The following CTNNA3 variants were observed in gnomAD, a reference collection of about 807,000 sequenced individuals.
CTNNA3 encodes the protein catenin alpha 3.
A neutral mutation model predicts 95.7 loss-of-function variants in CTNNA3; 76 were observed. The ratio of observed to expected loss-of-function variants is 0.79; its 90% confidence interval spans 0.66 to 0.96. The LOEUF (loss-of-function observed/expected upper bound fraction) is 0.96, where lower values mean the gene tolerates loss of function less well. CTNNA3 is among the 40% of genes least tolerant of loss of function. CTNNA3 has a pLI of 0.00. For synonymous variants in CTNNA3, 431 were observed against 374.4 expected (o/e 1.15, Z -1.74); for missense variants, 1,191 against 1,089.8 (o/e 1.09, Z -1.31).
At chr10:67,105,253 A>ATAGATAGATAGATAGT (rs1858569731) in intron 7 of CTNNA3, among the ~76,000 whole-genome samples, 2 of 152,056 alleles carry the variant, frequency 1.3e-5, no homozygotes, top group Non-Finnish European at 2.9e-5. Flanking sequence ...AGATAGATAG[A>ATAGATAGATAGATAGT]TAGATAGAAT....
chr10:67,230,375 G>A (rs1865130884), intron 5 of CTNNA3, among the ~76,000 whole-genome samples: 2 of 151,944 alleles, frequency 1.3e-5, no homozygotes, highest in South Asian at 2.1e-4. Context: ...AACTCTATAC[G>A]ATAACATTGG....
chr10:66,100,224 T>C (rs546571405), intron 14 of CTNNA3, among the ~76,000 whole-genome samples: 2 of 152,212 alleles, frequency 1.3e-5, no homozygotes, highest in Admixed American at 1.3e-4. Context: ...TCAGGTTCTG[T>C]GGAAAATGCA....
chr10:67,485,049 A>T (rs1848390443), intron 5 of CTNNA3, among the ~76,000 whole-genome samples: 1 of 152,230 alleles, frequency 6.6e-6, no homozygotes, highest in African/African-American at 2.4e-5. Flanking sequence ...TCACAATAGC[A>T]AAGACATGGA....
intron 7 of CTNNA3, among the ~76,000 whole-genome samples, chr10:67,012,135 C>G (rs1464797719): frequency 1.3e-5 from 2 of 152,214 alleles, no homozygotes; most frequent in African/African-American, 2.4e-5. Context: ...TTCTTATCCA[C>G]TGTGCAGTGC....
chr10:65,994,852 T>A (rs1286796356), intron 15 of CTNNA3, among the ~76,000 whole-genome samples: 1 of 152,134 alleles, frequency 6.6e-6, no homozygotes. Flanking sequence ...CTTTTTTTAT[T>A]ATTTATTCTA....
chr10:66,778,921 A>G (rs1286081201), intron 7 of CTNNA3, among the ~76,000 whole-genome samples: 1 of 152,166 alleles, frequency 6.6e-6, no homozygotes, highest in Non-Finnish European at 1.5e-5. Flanking sequence ...AGTTGCAGTG[A>G]GCCGAGATCG....
At chr10:66,045,527 GT>G (rs2079811481) in intron 15 of CTNNA3, among the ~76,000 whole-genome samples, 1 of 152,040 alleles carries the variant, frequency 6.6e-6, no homozygotes, top group South Asian at 2.1e-4. Flanking sequence ...TTTGATTTTG[GT>G]ATCTCTAGTG....
chr10:67,544,509 T>G (rs1840781051), intron 3 of CTNNA3, among the ~76,000 whole-genome samples: 1 of 152,060 alleles, frequency 6.6e-6, no homozygotes, highest in Non-Finnish European at 1.5e-5. Flanking sequence ...GCAGTAAATG[T>G]ATAAAACAGA....
At chr10:66,089,935 CT>C (rs1044753222) in intron 14 of CTNNA3, among the ~76,000 whole-genome samples, 2 of 151,860 alleles carry the variant, frequency 1.3e-5, no homozygotes, top group Admixed American at 6.6e-5. Context: ...AAATGAAATC[CT>C]TTTTCCTTAT....
At chr10:67,530,262 C>A (rs570258889) in intron 4 of CTNNA3, among the ~76,000 whole-genome samples, 1 of 152,256 alleles carries the variant, frequency 6.6e-6, no homozygotes, top group Non-Finnish European at 1.5e-5. Context: ...GCGGTTGGAA[C>A]AGTTTGGAGG....
In CTNNA3 at chr10:67,230,905, G is replaced by C. The variant is rs546985982; in HGVS notation, c.580-11035C>G. On this transcript the variant is annotated intron_variant, in intron 5 of 17. Transcript: ENST00000433211. ...GAGTTCCCTTTCCTAGTCAAAGAGAGGGGTGACAGACCGCACCTGGAAGAT... is the reference window on the plus strand; with the variant it reads ...GAGTTCCCTTTCCTAGTCAAAGAGACGGGTGACAGACCGCACCTGGAAGAT... Among the ~76,000 whole-genome samples the C allele has an allele frequency of 2.0e-5, 3 of 152,304 alleles. No homozygotes were observed. In the East Asian group the frequency reaches 5.8e-4, roughly 30 times the overall value.
intron 15 of CTNNA3, among the ~76,000 whole-genome samples, chr10:65,996,280 T>C (rs1351353709): frequency 1.3e-5 from 2 of 152,082 alleles, no homozygotes; most frequent in African/African-American, 4.8e-5. Flanking sequence ...AAGTTTCAAG[T>C]TCTGGGGAGC....
intron 7 of CTNNA3, among the ~76,000 whole-genome samples, chr10:66,915,959 G>C (rs922860683): frequency 6.6e-6 from 1 of 152,018 alleles, no homozygotes; most frequent in Non-Finnish European, 1.5e-5. Flanking sequence ...ATGTTGGCCA[G>C]GATGGTCTCA....
At chr10:67,487,700 A>G (rs1342655930) in intron 5 of CTNNA3, among the ~76,000 whole-genome samples, 2 of 152,192 alleles carry the variant, frequency 1.3e-5, no homozygotes, top group African/African-American at 4.8e-5. Flanking sequence ...GAAGAGCTGT[A>G]CATATAACTG....
At chr10:66,148,055 C>G (rs1173006146) in intron 13 of CTNNA3, among the ~76,000 whole-genome samples, 3 of 151,604 alleles carry the variant, frequency 2.0e-5, no homozygotes, top group Non-Finnish European at 4.4e-5. Flanking sequence ...TGATTGTAAA[C>G]AGAATTGAAA....
chr10:66,841,929 C>T (rs1589319176), intron 7 of CTNNA3, among the ~76,000 whole-genome samples: 1 of 151,888 alleles, frequency 6.6e-6, no homozygotes, highest in Non-Finnish European at 1.5e-5. Flanking sequence ...GAAAGAATTT[C>T]CCATGTGCTA....
intron 14 of CTNNA3, among the ~76,000 whole-genome samples, chr10:66,087,675 A>T (rs2133677423): frequency 6.6e-6 from 1 of 152,292 alleles, no homozygotes. Flanking sequence ...ATTTTTAACA[A>T]TAATCATCAG....
chr10:66,092,898 TA>T (rs1489837444), intron 14 of CTNNA3, among the ~76,000 whole-genome samples: 5 of 151,950 alleles, frequency 3.3e-5, no homozygotes, highest in African/African-American at 1.2e-4. Flanking sequence ...ACGGAAAAAC[TA>T]AATTAAGAAA....
At chr10:67,314,002 C>A (rs533000795) in intron 5 of CTNNA3, among the ~76,000 whole-genome samples, 5 of 152,160 alleles carry the variant, frequency 3.3e-5, no homozygotes, top group African/African-American at 9.6e-5. Flanking sequence ...AGAGAGAGTG[C>A]ATAGAGTTAG....
Sources: allele counts gnomAD v4.1 joint callset (sites outside exome capture counted in the v4.1 genomes callset), GRCh38; gene constraint gnomAD v4.1.1; transcripts MANE v1.5; gene names NCBI Gene and HGNC (gene_info 2026-07-23, HGNC 2026-07-21).